MRTFA: variants seen among roughly 807,000 people sequenced by gnomAD.
MRTFA encodes the protein myocardin-related transcription factor A.
MRTFA carries 20 observed loss-of-function variants against 83.5 expected under a neutral mutation model. The ratio of observed to expected loss-of-function variants is 0.24; its 90% CI spans 0.17 to 0.35. The LOEUF is 0.35. MRTFA is among the 10% of genes least tolerant of loss of function. The pLI, the probability that MRTFA is intolerant of heterozygous loss-of-function variation, is 1.00. For missense variants in MRTFA, 1,200 were observed against 1,224.7 expected, an observed-to-expected ratio of 0.98 and a Z score of 0.30; for synonymous variants, 659 against 541.2, an observed-to-expected ratio of 1.22 and a Z score of -3.02.
At chr22:40,635,772 A>G (rs129551) in intron 1 of MRTFA, among the ~76,000 whole-genome samples, 151,678 of 152,332 alleles carry the variant, frequency 1, 75,515 homozygotes, top group Middle Eastern at 1. Flanking sequence ...ACAACAAACA[A>G]CCGTATGCGA....
chr22:40,636,226 G>A (rs878968868), intron 1 of MRTFA, among the ~76,000 whole-genome samples: 2 of 152,186 alleles, frequency 1.3e-5, no homozygotes, highest in Non-Finnish European at 2.9e-5. Flanking sequence ...CTGCCAGGCA[G>A]TGCACAGGTG....
Position 40,496,851 on chromosome 22 carries a change from G to A in MRTFA, c.242-33565C>T, listed in dbSNP as rs540298074. Among the ~76,000 whole-genome samples, 3 of 152,328 alleles carry A rather than the reference G, an allele frequency of 2.0e-5. No individual in the cohort carries two copies. The South Asian group carries it at 6.2e-4, about 32-fold the overall frequency. Reference sequence around the variant, plus strand: ...TTTTCTCAAGAAAGGGCACCAGGCTGAGTCAGGAGTCCTGGTTTCCAGCAA... The same window carrying A: ...TTTTCTCAAGAAAGGGCACCAGGCTAAGTCAGGAGTCCTGGTTTCCAGCAA... On this transcript the variant is annotated intron_variant, in intron 3 of 14. Transcript: ENST00000355630.
At chr22:40,502,713 G>A (rs2054514409) in intron 3 of MRTFA, among the ~76,000 whole-genome samples, 1 of 151,404 alleles carries the variant, frequency 6.6e-6, no homozygotes, top group Non-Finnish European at 1.5e-5. Flanking sequence ...GCTGCTCCTT[G>A]CCCTCGGGCC....
intron 2 of MRTFA, chr22:40,569,349 TC>T: frequency 9.3e-6 from 2 of 216,088 alleles, no homozygotes; most frequent in Admixed American, 4.4e-5. Context: ...GACAGGCGCT[TC>T]CCCAACCAGA....
rs1168748355 is a variant in MRTFA at position 40,411,025 on chromosome 22, G to A, written c.*365C>T. On this transcript the variant is annotated 3_prime_UTR_variant, in exon 15 of 15. Transcript: ENST00000355630. ...TCACCCCTTAACCTGTCTCAGCCCT[G>A]GGTCAGAAGAGAAGCCTCCCGCCTG... 2 of 253,106 alleles carry A rather than the reference G, an allele frequency of 7.9e-6. No individual in the cohort carries two copies. The highest frequency in any genetic ancestry group is 1.5e-5 in the Non-Finnish European group (2 of 132,306). The allele number at this position is 253,106 out of a possible 1,614,324, so 15.7% of individuals were successfully genotyped here.
chr22:40,419,697 T>A (rs986444574), intron 11 of MRTFA, among the ~76,000 whole-genome samples: 5 of 152,182 alleles, frequency 3.3e-5, no homozygotes, highest in African/African-American at 1.2e-4. Context: ...AAATATTCAA[T>A]GGAACAGACT....
At chr22:40,452,805 C>CAAAAAA (rs34486531) in intron 4 of MRTFA, among the ~76,000 whole-genome samples, 2 of 62,668 alleles carry the variant, frequency 3.2e-5, no homozygotes, top group South Asian at 5.3e-4. Context: ...CACTCCGTCT[C>CAAAAAA]AAAAAAAAAA....
intron 4 of MRTFA, among the ~76,000 whole-genome samples, chr22:40,458,299 G>A (rs1256457568): frequency 6.6e-6 from 1 of 152,168 alleles, no homozygotes; most frequent in Non-Finnish European, 1.5e-5. Flanking sequence ...TGAGAATAAA[G>A]AATACTGCAA....
At chr22:40,474,406 T>C (rs901678252) in intron 3 of MRTFA, among the ~76,000 whole-genome samples, 7 of 152,246 alleles carry the variant, frequency 4.6e-5, no homozygotes, top group African/African-American at 1.7e-4. Context: ...TTGTTTACGA[T>C]GCTAAAACTC....
At chr22:40,570,474 A>C (rs1602443928) in intron 2 of MRTFA, among the ~76,000 whole-genome samples, 2 of 144,084 alleles carry the variant, frequency 1.4e-5, no homozygotes, top group East Asian at 4.5e-4. Flanking sequence ...GCTACTCGGG[A>C]GGCTGAGGCA....
chr22:40,564,009 G>A (rs1323862432), intron 2 of MRTFA, among the ~76,000 whole-genome samples: 2 of 152,148 alleles, frequency 1.3e-5, no homozygotes, highest in South Asian at 2.1e-4. Context: ...AGAAGGGAAC[G>A]ACCATACAAT....
chr22:40,474,510 C>A (rs1364292715), intron 3 of MRTFA, among the ~76,000 whole-genome samples: 2 of 152,208 alleles, frequency 1.3e-5, no homozygotes, highest in Non-Finnish European at 2.9e-5. Flanking sequence ...TGCTTGGATG[C>A]TCTAGAGTTC....
At chr22:40,434,782 TA>T (rs1418504454) in intron 5 of MRTFA, among the ~76,000 whole-genome samples, 1 of 152,122 alleles carries the variant, frequency 6.6e-6, no homozygotes, top group Admixed American at 6.5e-5. Context: ...ATGATCTGTC[TA>T]GGGGGATTAT....
chr22:40,460,074 G>A (rs758403539), intron 4 of MRTFA, among the ~76,000 whole-genome samples: 63 of 151,534 alleles, frequency 4.2e-4, no homozygotes, highest in Non-Finnish European at 7.1e-4. Flanking sequence ...TCTCAGGCGC[G>A]CCACCATGCC....
At chr22:40,502,167 C>T (rs1602347195) in intron 3 of MRTFA, among the ~76,000 whole-genome samples, 1 of 147,186 alleles carries the variant, frequency 6.8e-6, no homozygotes, top group Non-Finnish European at 1.5e-5. Flanking sequence ...GCTGACCCCC[C>T]CCACCTCCCT....
chr22:40,483,552 G>T (rs2054126600), intron 3 of MRTFA, among the ~76,000 whole-genome samples: 1 of 151,488 alleles, frequency 6.6e-6, no homozygotes, highest in Non-Finnish European at 1.5e-5. Context: ...GGGTGTGGTG[G>T]GGGGCGCCTG....
chr22:40,525,376 T>C (rs2054950329), intron 3 of MRTFA, among the ~76,000 whole-genome samples: 1 of 152,114 alleles, frequency 6.6e-6, no homozygotes, highest in South Asian at 2.1e-4. Context: ...CAGGCTGGTC[T>C]TGAACTCCTG....
At chr22:40,512,448 G>A (rs1190525334) in intron 3 of MRTFA, among the ~76,000 whole-genome samples, 1 of 152,142 alleles carries the variant, frequency 6.6e-6, no homozygotes, top group African/African-American at 2.4e-5. Context: ...GAGGATCCTT[G>A]CCATCATCCT....
chr22:40,484,196 A>G (rs2054138649), intron 3 of MRTFA, among the ~76,000 whole-genome samples: 1 of 152,072 alleles, frequency 6.6e-6, no homozygotes, highest in Non-Finnish European at 1.5e-5. Context: ...CTCACTCTTC[A>G]GTCCTAAATG....
Sources: gnomAD v4.1 joint callset for allele counts (sites outside exome capture counted in the v4.1 genomes callset) on GRCh38, gnomAD v4.1.1 for gene constraint, MANE v1.5 for transcripts, NCBI Gene and HGNC (gene_info 2026-07-23, HGNC 2026-07-21) for gene names.